RAB8B: variants seen among roughly 807,000 people sequenced by gnomAD.
The protein encoded by RAB8B is RAB8B, member RAS oncogene family.
Under a neutral mutation model 32.0 loss-of-function variants are expected in RAB8B, and 11 were observed. That is an observed-to-expected ratio of 0.34 (90% CI 0.22 to 0.57). The LOEUF is 0.57. Among genes scored for constraint, RAB8B ranks in the 20% least tolerant of loss-of-function variants. The pLI is 0.86. For synonymous variants in RAB8B, 103 were observed against 89.6 expected, an observed-to-expected ratio of 1.15 and a Z score of -0.85; for missense variants, 190 against 258.5, an observed-to-expected ratio of 0.73 and a Z score of 1.82.
At chr15:63,212,097 C>T (rs2037752614) in intron 1 of RAB8B, among the ~76,000 whole-genome samples, 1 of 152,098 alleles carries the variant, frequency 6.6e-6, no homozygotes, top group Non-Finnish European at 1.5e-5. Flanking sequence ...CATCCCAAAG[C>T]GCTGGGATTA....
chr15:63,199,103 T>A (rs2037626889), intron 1 of RAB8B, among the ~76,000 whole-genome samples: 1 of 152,244 alleles, frequency 6.6e-6, no homozygotes, highest in African/African-American at 2.4e-5. Flanking sequence ...CCTTTTGGAA[T>A]GACTCCAACC....
At chr15:63,236,840 T>C (rs902612023) in intron 1 of RAB8B, among the ~76,000 whole-genome samples, 8 of 152,190 alleles carry the variant, frequency 5.3e-5, no homozygotes, top group Non-Finnish European at 1.2e-4. Flanking sequence ...TCCTAGCAAA[T>C]ACTAGGTCTT....
intron 1 of RAB8B, among the ~76,000 whole-genome samples, chr15:63,236,855 T>C (rs999586312): frequency 7.9e-5 from 12 of 152,224 alleles, no homozygotes; most frequent in African/African-American, 2.9e-4. Context: ...GGTCTTATTC[T>C]AACTATTTTT....
At chr15:63,249,493 A>G in intron 2 of RAB8B, 152 bp from the exon 3 acceptor site, 1 of 607,472 alleles carries the variant, frequency 1.6e-6, no homozygotes, top group East Asian at 3.3e-5. Flanking sequence ...CAGCTTGCAG[A>G]TGTGCAAAGG....
intron 1 of RAB8B, among the ~76,000 whole-genome samples, chr15:63,220,249 A>T (rs978799960): frequency 6.6e-6 from 1 of 152,210 alleles, no homozygotes; most frequent in African/African-American, 2.4e-5. Context: ...GTTCTATTTC[A>T]TTTCTCTAGA....
At chr15:63,203,398 G>T (rs1351271833) in intron 1 of RAB8B, among the ~76,000 whole-genome samples, 1 of 152,216 alleles carries the variant, frequency 6.6e-6, no homozygotes, top group Non-Finnish European at 1.5e-5. Flanking sequence ...TTATAAGAAG[G>T]ATAGAAACTC....
intron 1 of RAB8B, among the ~76,000 whole-genome samples, chr15:63,197,758 G>C (rs754725695): frequency 2.0e-5 from 3 of 152,092 alleles, no homozygotes; most frequent in Admixed American, 6.6e-5. Context: ...TGTCAATCCT[G>C]ATGGATTGGT....
intron 1 of RAB8B, among the ~76,000 whole-genome samples, chr15:63,229,000 A>T (rs1282093400): frequency 6.6e-6 from 1 of 152,228 alleles, no homozygotes; most frequent in Non-Finnish European, 1.5e-5. Context: ...CCATATGTAC[A>T]TGTATTTTCT....
intron 2 of RAB8B, among the ~76,000 whole-genome samples, chr15:63,245,491 A>G (rs2038063918): frequency 6.6e-6 from 1 of 152,150 alleles, no homozygotes; most frequent in Admixed American, 6.5e-5. Context: ...CCACCAGGTA[A>G]TTCTCCAGCA....
chr15:63,212,964 A>C (rs1171988416), intron 1 of RAB8B, among the ~76,000 whole-genome samples: 1 of 152,226 alleles, frequency 6.6e-6, no homozygotes, highest in Admixed American at 6.5e-5. Flanking sequence ...GTAGTTAACT[A>C]TGAGGTTTGT....
At chr15:63,256,069 T>A (rs999546114) in intron 4 of RAB8B, among the ~76,000 whole-genome samples, 8 of 152,248 alleles carry the variant, frequency 5.3e-5, no homozygotes, top group African/African-American at 1.4e-4. Flanking sequence ...AAGATTTTTT[T>A]AATGTCTTTG....
chr15:63,247,131 G>T (rs1048664620), intron 2 of RAB8B, among the ~76,000 whole-genome samples: 1 of 152,172 alleles, frequency 6.6e-6, no homozygotes, highest in Admixed American at 6.5e-5. Flanking sequence ...TTGCTTCCTG[G>T]TTTGTAGACA....
chr15:63,234,654 C>T (rs1489673361), intron 1 of RAB8B, among the ~76,000 whole-genome samples: 1 of 152,176 alleles, frequency 6.6e-6, no homozygotes, highest in East Asian at 1.9e-4. Context: ...GCTCCTTACC[C>T]CTCACTGGTG....
At position 63,263,570 on chromosome 15, in the gene RAB8B, C is replaced by T. The variant is rs2038219138; in HGVS notation, c.575C>T (p.Thr192Ile). 1.2e-6 allele frequency: 2 copies of T among 1,613,098 alleles called. No individual in the cohort carries two copies. Among genetic ancestry groups the T allele is most frequent in the Non-Finnish European group, 1.7e-6 (2 of 1,179,080 alleles). The change falls in exon 8 of 8, where the codon ACA (threonine) becomes ATA (isoleucine). Residue 192 changes from threonine to isoleucine, a missense_variant. By Grantham distance (89) the Thr-to-Ile change is moderately conservative (BLOSUM62 -1). Coordinates refer to ENST00000321437, the MANE Select transcript of RAB8B (RefSeq NM_016530.3). ...SAGAGGPVKI[T>I]ENRSKKTSFF... ...GGAGCAGGTGGACCAGTGAAAATAACAGAAAACCGATCAAAGAAGACCAGT... is the reference window on the plus strand; with the variant it reads ...GGAGCAGGTGGACCAGTGAAAATAATAGAAAACCGATCAAAGAAGACCAGT...
At chr15:63,208,152 C>A (rs1047503890) in intron 1 of RAB8B, among the ~76,000 whole-genome samples, 3 of 152,180 alleles carry the variant, frequency 2.0e-5, no homozygotes, top group Non-Finnish European at 4.4e-5. Flanking sequence ...GTTGGCCTAT[C>A]ATTCCAAACT....
Position 63,248,372 on chromosome 15 carries a change from C to T in RAB8B, c.186-1273C>T, listed in dbSNP as rs2038088290. Among the ~76,000 whole-genome samples the T allele has an allele frequency of 1.3e-5, 2 of 151,996 alleles. No homozygotes were observed. Among genetic ancestry groups the T allele is most frequent in the Admixed American group, 6.6e-5 (1 of 15,254 alleles). On this transcript the variant is annotated intron_variant, in intron 2 of 7. Coordinates refer to ENST00000321437, the MANE Select transcript of RAB8B (RefSeq NM_016530.3). This position sits in a 1 kb window ranked among gnomAD's most constrained non-coding sequence, Gnocchi z 4.4. The stretch of plus-strand genomic sequence containing the variant: ...ATTAAAAATACAAAAATTAGCCTGG[C>T]GTGGTGGTGGGCTTCTGTAGTCCCA...
At chr15:63,250,086 A>G (rs1179128285) in intron 3 of RAB8B, among the ~76,000 whole-genome samples, 2 of 152,152 alleles carry the variant, frequency 1.3e-5, no homozygotes, top group East Asian at 1.9e-4. Flanking sequence ...CAGTGAGCCG[A>G]GATTGCGCCA....
intron 1 of RAB8B, among the ~76,000 whole-genome samples, chr15:63,220,191 G>A (rs1567012895): frequency 6.6e-6 from 1 of 152,114 alleles, no homozygotes; most frequent in Non-Finnish European, 1.5e-5. Context: ...CCCTAAACCT[G>A]TCTAAGTTAA....
At chr15:63,221,555 A>G (rs751947057) in intron 1 of RAB8B, among the ~76,000 whole-genome samples, 1 of 152,104 alleles carries the variant, frequency 6.6e-6, no homozygotes, top group Non-Finnish European at 1.5e-5. Flanking sequence ...CCAGCATATG[A>G]CACTCCCAGT....
Sources: gnomAD v4.1 joint callset for allele counts (sites outside exome capture counted in the v4.1 genomes callset) on GRCh38, gnomAD v4.1.1 for gene constraint, Gnocchi (gnomAD v3.1) non-coding constraint, MANE v1.5 for transcripts, NCBI Gene and HGNC (gene_info 2026-07-23, HGNC 2026-07-21) for gene names.